MYH11: variants seen among roughly 807,000 people sequenced by gnomAD.
The protein encoded by MYH11 is myosin heavy chain 11.
A neutral mutation model predicts 246.6 loss-of-function variants in MYH11; 80 were observed. The observed-to-expected ratio is 0.32, with a 90% confidence interval of 0.27 to 0.39. The LOEUF (loss-of-function observed/expected upper bound fraction) is 0.39. Ranked by LOEUF, MYH11 falls within the 10% of genes least tolerant of loss-of-function variation. The pLI, the probability that MYH11 is intolerant of heterozygous loss-of-function variation, is 1.00. For missense variants in MYH11, 2,158 were observed against 2,546.8 expected (o/e 0.85, Z 3.29); for synonymous variants, 1,071 against 1,015.5 (o/e 1.05, Z -1.04).
At position 15,747,605 on chromosome 16, in the gene MYH11, G is replaced by A; in HGVS notation, c.2376C>T (p.Ala792=). The part of the protein sequence containing the change: ...RDLKITDVIM[A]FQAMCRGYLA... ...AGTAGCCACGACACATCGCCTGGAA[G>A]GCCATGATGACATCGGTGATCTTCA... is the stretch of plus-strand genomic sequence containing the variant. The change falls in exon 19 of 41, where the codon GCC becomes GCT. Residue 792 remains alanine (A), a synonymous_variant. Coordinates refer to ENST00000300036, the MANE Select transcript of MYH11 (RefSeq NM_002474.3). 1 of 1,614,136 alleles carries A rather than the reference G, an allele frequency of 6.2e-7. No individual in the cohort carries two copies. Among genetic ancestry groups the A allele is most frequent in the South Asian group, 1.1e-5 (1 of 91,068 alleles).
chr16:15,816,304 T>C (rs1210912821), intron 3 of MYH11, among the ~76,000 whole-genome samples: 1 of 152,158 alleles, frequency 6.6e-6, no homozygotes, highest in African/African-American at 2.4e-5. Context: ...AAGGAGATGA[T>C]ATCAATATGA....
chr16:15,761,823 A>G (rs2041874224), intron 10 of MYH11, among the ~76,000 whole-genome samples: 1 of 152,180 alleles, frequency 6.6e-6, no homozygotes, highest in African/African-American at 2.4e-5. Flanking sequence ...TACATAACAA[A>G]CACCTGAGAA....
At chr16:15,831,505 A>G (rs34488124) in intron 2 of MYH11, among the ~76,000 whole-genome samples, 4,422 of 110,488 alleles carry the variant, frequency 0.04, 63 homozygotes, top group Admixed American at 0.054. Context: ...GTGTACATAC[A>G]TGAACCTGTG....
At chr16:15,704,346 ATTGGTTGCGGGGGT>A (rs1259384301) in intron 40 of MYH11, among the ~76,000 whole-genome samples, 1 of 152,136 alleles carries the variant, frequency 6.6e-6, no homozygotes, top group Non-Finnish European at 1.5e-5. Context: ...ATCAGCTGAA[ATTGGTTGCGGGGGT>A]GGGTGGAGAA....
At chr16:15,825,835 G>T (rs550194739) in intron 2 of MYH11, among the ~76,000 whole-genome samples, 181 of 152,036 alleles carry the variant, frequency 1.2e-3, no homozygotes, top group Admixed American at 1.9e-3. Context: ...CACAGTTCAG[G>T]AGACAGGCTC....
intron 36 of MYH11, chr16:15,718,667 C>A: frequency 1.6e-6 from 1 of 613,972 alleles, no homozygotes; most frequent in Non-Finnish European, 2.8e-6. Flanking sequence ...GACCAGCACA[C>A]TCCTCCCTGA....
At chr16:15,759,460 G>T in intron 12 of MYH11, 116 bp downstream of exon 12, 1 of 1,333,088 alleles carries the variant, frequency 7.5e-7, no homozygotes, top group Non-Finnish European at 1.1e-6. Flanking sequence ...TAACTAGACA[G>T]CCTCCTACCC....
intron 1 of MYH11, among the ~76,000 whole-genome samples, chr16:15,839,040 C>G (rs147065177): frequency 5.7e-4 from 86 of 151,948 alleles, no homozygotes; most frequent in African/African-American, 2.1e-3. Flanking sequence ...AAAACCTTGT[C>G]TCTACAAAAA....
At chr16:15,820,653 T>C (rs2043386805) in intron 3 of MYH11, among the ~76,000 whole-genome samples, 1 of 152,104 alleles carries the variant, frequency 6.6e-6, no homozygotes, top group African/African-American at 2.4e-5. Context: ...AATGATCCTT[T>C]TTAGCTCGGG....
intron 4 of MYH11, among the ~76,000 whole-genome samples, chr16:15,790,673 G>T (rs1490256876): frequency 6.6e-6 from 1 of 152,094 alleles, no homozygotes; most frequent in Non-Finnish European, 1.5e-5. Flanking sequence ...TTATTTCTTG[G>T]GGAATTTGGT....
chr16:15,831,464 GGTGT>G (rs59352444), intron 2 of MYH11, among the ~76,000 whole-genome samples: 73 of 145,684 alleles, frequency 5.0e-4, no homozygotes, highest in South Asian at 2.4e-3. Context: ...TTATGTTTGG[GGTGT>G]GTGTGTGTGT....
At chr16:15,846,258 C>T (rs183494026) in intron 1 of MYH11, among the ~76,000 whole-genome samples, 2 of 152,176 alleles carry the variant, frequency 1.3e-5, no homozygotes, top group African/African-American at 4.8e-5. Flanking sequence ...TACAAACACC[C>T]AAAATAGGAC....
chr16:15,726,253 G>T (rs2040751244), intron 28 of MYH11: 1 of 154,974 alleles, frequency 6.5e-6, no homozygotes, highest in African/African-American at 2.4e-5. Flanking sequence ...GTCCTACTGG[G>T]GCAGCGACAG....
chr16:15,725,367 G>A (rs1296545734), intron 28 of MYH11: 3 of 554,680 alleles, frequency 5.4e-6, no homozygotes, highest in Non-Finnish European at 9.5e-6. Context: ...GCTCTGGCTG[G>A]TCCACTCTCT....
intron 22 of MYH11, chr16:15,741,083 G>A (rs1192589198): frequency 5.4e-6 from 2 of 369,934 alleles, no homozygotes. Context: ...TGCAACCTCA[G>A]GCCGGACCCT....
rs1039378807 is a variant in MYH11, at chr16:15,707,173, G to C, written c.5787-3050C>G. Among the ~76,000 whole-genome samples, 10 of 152,030 alleles carry C rather than the reference G, an allele frequency of 6.6e-5. 1 individual carries two copies. The highest frequency in any genetic ancestry group is 2.4e-4 in the African/African-American group (10 of 41,388). On this transcript the variant is annotated intron_variant, in intron 40 of 40. Coordinates refer to ENST00000300036, the MANE Select transcript of MYH11 (RefSeq NM_002474.3). ...CCTGCCTCAGCCTTCCAAGTAACTG[G>C]GACTACAGACATGCCACCACTCCTG...
In MYH11 at chr16:15,772,087, C is replaced by CTT. The variant is rs35008322; in HGVS notation, c.890-377_890-376dup. On this transcript the variant is annotated intron_variant, in intron 8 of 40. Coordinates refer to ENST00000300036, the MANE Select transcript of MYH11 (RefSeq NM_002474.3). ...CAGAAGAGTTAGATCAACCTTTACT[C>CTT]TTTTTTTTTTTTTTTTTTTTTTGAG... is the stretch of plus-strand genomic sequence containing the variant. Among the ~76,000 whole-genome samples the CTT allele has an allele frequency of 9.1e-3, 962 of 105,890 alleles. 5 individuals are homozygous for CTT. Among genetic ancestry groups the CTT allele is most frequent in the Non-Finnish European group, 0.012 (631 of 53,308 alleles). The allele number at this position is 105,890 out of a possible 152,430, so 69.5% of individuals were successfully genotyped here. A position where few individuals can be genotyped will look rare whatever the true frequency, so the allele number is the denominator to read the frequency against.
At chr16:15,815,536 TTGGTCTAGGAA>T (rs1171474722) in intron 3 of MYH11, among the ~76,000 whole-genome samples, 1 of 152,006 alleles carries the variant, frequency 6.6e-6, no homozygotes, top group Non-Finnish European at 1.5e-5. Flanking sequence ...AATTATAGGA[TTGGTCTAGGAA>T]TTCCATTATG....
intron 29 of MYH11, 30 bp downstream of exon 29, chr16:15,724,858 G>A (rs779339125): frequency 6.2e-7 from 1 of 1,613,826 alleles, no homozygotes; most frequent in Non-Finnish European, 8.5e-7. Context: ...CACCCCCCAG[G>A]TCCCCTGGAT....
Sources: allele counts gnomAD v4.1 joint callset (sites outside exome capture counted in the v4.1 genomes callset), GRCh38; gene constraint gnomAD v4.1.1; transcripts MANE v1.5; gene names NCBI Gene and HGNC (gene_info 2026-07-23, HGNC 2026-07-21).